The following ROR1 variants were observed in gnomAD, a reference collection of about 807,000 sequenced individuals.
ROR1 encodes ROR family WNT receptor 1.
ROR1 carries 19 observed loss-of-function variants against 78.8 expected under a neutral mutation model. The observed-to-expected ratio is 0.24, with a 90% confidence interval of 0.17 to 0.35. ROR1 has a LOEUF of 0.35. Ranked by LOEUF, ROR1 falls within the 10% of genes least tolerant of loss-of-function variation. The probability of loss-of-function intolerance (pLI) is 1.00; values close to 1 mark genes in which losing one functional copy is unlikely to be tolerated. For synonymous variants in ROR1, 386 were observed against 433.6 expected (o/e 0.89, Z 1.36); for missense variants, 917 against 1,177.8 (o/e 0.78, Z 3.24).
intron 1 of ROR1, among the ~76,000 whole-genome samples, chr1:63,919,925 C>T (rs1007842993): frequency 1.3e-5 from 2 of 152,134 alleles, no homozygotes; most frequent in East Asian, 3.9e-4. Flanking sequence ...GGGAAAACTA[C>T]CAAATATCCG....
At chr1:63,926,490 G>C (rs1476854915) in intron 1 of ROR1, among the ~76,000 whole-genome samples, 1 of 151,738 alleles carries the variant, frequency 6.6e-6, no homozygotes, top group Non-Finnish European at 1.5e-5. Context: ...TTGGCGATGC[G>C]GGCTCTTTTT....
intron 4 of ROR1, among the ~76,000 whole-genome samples, chr1:64,090,997 T>C (rs1647192382): frequency 6.7e-6 from 1 of 149,704 alleles, no homozygotes. Flanking sequence ...TTTATTGTTA[T>C]CAGCCTCTCT....
rs1649867905 is a variant in ROR1 at position 64,159,272 on chromosome 1, A to C, written c.1386+80A>C. The C allele has an allele frequency of 6.4e-6, 7 of 1,090,102 alleles. No individual in the cohort carries two copies. The East Asian group carries it at 1.7e-4, about 26-fold the overall frequency. 67.5% of individuals were successfully genotyped at this position (1,090,102 alleles called of 1,614,324 possible). A position where few individuals can be genotyped will look rare whatever the true frequency, so the allele number is the denominator to read the frequency against. On this transcript the variant is annotated intron_variant, in intron 8 of 8. Coordinates refer to ENST00000371079, the MANE Select transcript of ROR1 (RefSeq NM_005012.4). ...CATGTTATAACCCTCCCAAGCTTGGAAATCGAATGATATGGAATCAGAGTT... is the reference window on the plus strand; with the variant it reads ...CATGTTATAACCCTCCCAAGCTTGGCAATCGAATGATATGGAATCAGAGTT...
chr1:63,790,722 C>A (rs1199745489), intron 1 of ROR1, among the ~76,000 whole-genome samples: 1 of 152,178 alleles, frequency 6.6e-6, no homozygotes. Flanking sequence ...CCCTCAGCAC[C>A]TTTTTCTCCC....
intron 1 of ROR1, among the ~76,000 whole-genome samples, chr1:63,793,465 T>A (rs185247484): frequency 6.6e-6 from 1 of 152,372 alleles, no homozygotes; most frequent in East Asian, 1.9e-4. Context: ...ATTCTATGAA[T>A]GTACCAAAAT....
At chr1:63,979,868 A>G (rs1452614294) in intron 1 of ROR1, among the ~76,000 whole-genome samples, 1 of 152,252 alleles carries the variant, frequency 6.6e-6, no homozygotes, top group Non-Finnish European at 1.5e-5. Context: ...AAAGATCTAA[A>G]ACACAATTCT....
At chr1:63,925,270 T>C (rs1380171014) in intron 1 of ROR1, among the ~76,000 whole-genome samples, 3 of 151,086 alleles carry the variant, frequency 2.0e-5, no homozygotes, top group Non-Finnish European at 4.4e-5. Context: ...GGTGTCTGGT[T>C]TTTTGTTCTT....
At chr1:64,020,692 A>G (rs1234811774) in intron 2 of ROR1, among the ~76,000 whole-genome samples, 3 of 152,170 alleles carry the variant, frequency 2.0e-5, no homozygotes, top group African/African-American at 4.8e-5. Flanking sequence ...TTACAGCTCC[A>G]CTTTAGCCCT....
intron 4 of ROR1, among the ~76,000 whole-genome samples, chr1:64,061,903 TTCTC>T (rs1357729807): frequency 1.3e-5 from 2 of 152,238 alleles, no homozygotes; most frequent in South Asian, 2.1e-4. Flanking sequence ...TGCTCCTAGA[TTCTC>T]TTTCTGTACC....
At chr1:63,841,410 A>G (rs1645048780) in intron 1 of ROR1, among the ~76,000 whole-genome samples, 1 of 152,218 alleles carries the variant, frequency 6.6e-6, no homozygotes. Context: ...GTTATGTTGA[A>G]TGAATGAAGG....
intron 4 of ROR1, among the ~76,000 whole-genome samples, chr1:64,119,593 TGCGCCATTGC>T (rs1035368437): frequency 7.1e-6 from 1 of 140,534 alleles, no homozygotes; most frequent in Non-Finnish European, 1.5e-5. Flanking sequence ...GAGCCCAGAC[TGCGCCATTGC>T]ACTCCAGCCT....
At chr1:63,789,464 T>C (rs1644712365) in intron 1 of ROR1, among the ~76,000 whole-genome samples, 1 of 152,186 alleles carries the variant, frequency 6.6e-6, no homozygotes, top group South Asian at 2.1e-4. Context: ...TTTGAGCTTT[T>C]CTGAAGTGAA....
chr1:63,878,154 A>G lies in ROR1; in HGVS notation c.91+103646A>G, dbSNP rs375602666. On this transcript the variant is annotated intron_variant, in intron 1 of 8. Coordinates refer to ENST00000371079, the MANE Select transcript of ROR1 (RefSeq NM_005012.4). ...CAGATGGTGTGGCCTTGGGGACTCC[A>G]GAAGGGCCTTGGTGTCCTTCAGTAG... is the stretch of plus-strand genomic sequence containing the variant. Among the ~76,000 whole-genome samples, 19 of 152,308 alleles carry G rather than the reference A, an allele frequency of 1.2e-4. No individual in the cohort carries two copies. In the East Asian group the frequency reaches 3.7e-3, roughly 29 times the overall value.
chr1:63,979,083 C>A (rs1646186697), intron 1 of ROR1, among the ~76,000 whole-genome samples: 1 of 152,182 alleles, frequency 6.6e-6, no homozygotes, highest in South Asian at 2.1e-4. Context: ...TTATGGAGGG[C>A]AATCTTTATT....
At chr1:64,017,197 C>T (rs564371229) in intron 2 of ROR1, among the ~76,000 whole-genome samples, 2 of 152,272 alleles carry the variant, frequency 1.3e-5, no homozygotes, top group Admixed American at 6.5e-5. Context: ...TGAGCCACCA[C>T]ACTCAGCCAG....
chr1:64,036,044 T>G (rs1276834515), intron 2 of ROR1, among the ~76,000 whole-genome samples: 4 of 152,216 alleles, frequency 2.6e-5, no homozygotes, highest in African/African-American at 9.6e-5. Context: ...ATACTTGCCC[T>G]TTGGTACCCT....
chr1:63,873,048 G>A (rs1437937554), intron 1 of ROR1, among the ~76,000 whole-genome samples: 2 of 152,032 alleles, frequency 1.3e-5, no homozygotes, highest in African/African-American at 2.4e-5. Flanking sequence ...CAATAGAGAG[G>A]TATTCTGTCT....
chr1:64,106,752 T>C (rs1316303243), intron 4 of ROR1: 4 of 152,192 alleles, frequency 2.6e-5, no homozygotes, highest in Non-Finnish European at 4.4e-5. Flanking sequence ...ATGTGACGGA[T>C]TATGTTTATT....
intron 1 of ROR1, among the ~76,000 whole-genome samples, chr1:63,898,314 A>G (rs1033428109): frequency 5.2e-5 from 2 of 38,572 alleles, no homozygotes; most frequent in Admixed American, 8.2e-4. Context: ...CTGAATTGAA[A>G]GTAAAAAAAT....
Sources: gnomAD v4.1 joint callset for allele counts (sites outside exome capture counted in the v4.1 genomes callset) on GRCh38, gnomAD v4.1.1 for gene constraint, MANE v1.5 for transcripts, NCBI Gene and HGNC (gene_info 2026-07-23, HGNC 2026-07-21) for gene names.